PLXNC1: variants seen among roughly 807,000 people sequenced by gnomAD.
PLXNC1 encodes plexin-C1.
In PLXNC1, 75 loss-of-function variants were observed where a neutral mutation model predicts 178.2. The observed-to-expected ratio is 0.42, with a 90% confidence interval of 0.35 to 0.51. PLXNC1 has a LOEUF of 0.51. PLXNC1 is among the 20% of genes least tolerant of loss of function. The probability of loss-of-function intolerance (pLI) is 0.02; values close to 1 mark genes in which losing one functional copy is unlikely to be tolerated. For synonymous variants in PLXNC1, 790 were observed against 779.9 expected (o/e 1.01, Z -0.22); for missense variants, 1,503 against 1,984.4 (o/e 0.76, Z 4.61).
chr12:94,199,751 C>T (rs528573068), intron 4 of PLXNC1, among the ~76,000 whole-genome samples: 58 of 152,252 alleles, frequency 3.8e-4, no homozygotes, highest in African/African-American at 1.4e-3. Flanking sequence ...GGAAAGTGCT[C>T]GCCATGCTCA....
chr12:94,186,243 A>G (rs1962503466), intron 3 of PLXNC1, 130 bp from the exon 4 acceptor site: 8 of 641,818 alleles, frequency 1.2e-5, no homozygotes, highest in Non-Finnish European at 2.0e-5. Flanking sequence ...CCCACTGCCC[A>G]GTGCCAGTAT....
intron 20 of PLXNC1, among the ~76,000 whole-genome samples, chr12:94,264,858 G>A (rs971882105): frequency 1.3e-5 from 2 of 152,346 alleles, no homozygotes; most frequent in African/African-American, 2.4e-5. Flanking sequence ...ATGTGCACGC[G>A]TGCGCGTGTG....
chr12:94,262,517 C>T (rs113855827), intron 20 of PLXNC1: 29,691 of 985,428 alleles, frequency 0.03, 1,379 homozygotes, highest in African/African-American at 0.2. Context: ...TGGGTCAAGA[C>T]TTCACAGTGC....
At chr12:94,191,716 G>A (rs755969383) in intron 4 of PLXNC1, among the ~76,000 whole-genome samples, 7 of 151,240 alleles carry the variant, frequency 4.6e-5, no homozygotes, top group African/African-American at 7.3e-5. Context: ...CCCAGGAGAC[G>A]GAGGTTGCAG....
intron 24 of PLXNC1, 34 bp from the exon 25 acceptor site, chr12:94,297,155 G>C: frequency 6.2e-7 from 1 of 1,611,808 alleles, no homozygotes; most frequent in Non-Finnish European, 8.5e-7. Flanking sequence ...TTTTTTAATG[G>C]ACTGCTTTCT....
In PLXNC1 at chr12:94,248,378, C is replaced by CA; in HGVS notation, c.2746dup (p.Ser916LysfsTer8). ...TGCAAAATTAAAGGCATCAAGACTG[C>CA]AAGCACCATTGCCAACTCTTCTAAG... On this transcript the variant is annotated frameshift_variant, in exon 14 of 31. Transcript: ENST00000258526. LOFTEE classifies it high-confidence loss of function. 6.2e-7 allele frequency: 1 copy of CA among 1,610,834 alleles called. No homozygotes were observed. Among genetic ancestry groups the CA allele is most frequent in the Non-Finnish European group, 8.5e-7 (1 of 1,178,996 alleles).
chr12:94,245,323 G>A (rs533919153), intron 12 of PLXNC1, among the ~76,000 whole-genome samples: 2 of 152,162 alleles, frequency 1.3e-5, no homozygotes, highest in Non-Finnish European at 2.9e-5. Context: ...CTGGGTGCAG[G>A]GACAAAAGAT....
intron 21 of PLXNC1, chr12:94,277,154 G>C (rs897854811): frequency 6.6e-6 from 1 of 152,196 alleles, no homozygotes; most frequent in South Asian, 2.1e-4. Flanking sequence ...TTGGTGTCCT[G>C]TGAGAGCCCC....
At chr12:94,150,436 T>A (rs1045678596) in intron 1 of PLXNC1, among the ~76,000 whole-genome samples, 4 of 152,184 alleles carry the variant, frequency 2.6e-5, no homozygotes, top group African/African-American at 9.7e-5. Context: ...GGCGTGTGGG[T>A]CTGACCCTCT....
At chr12:94,201,748 CTTTTTTTTTTTTTTTTTTTTTT>C (rs10529488) in intron 4 of PLXNC1, among the ~76,000 whole-genome samples, 6 of 54,498 alleles carry the variant, frequency 1.1e-4, no homozygotes, top group African/African-American at 2.9e-4. Context: ...CTTCCCACTA[CTTTTTTTTTTTTTTTTTTTTTT>C]TTTTTTTTTT....
Position 94,307,289 on chromosome 12 carries a change from A to C in PLXNC1, c.*2004A>C, listed in dbSNP as rs1969139125. The C allele has an allele frequency of 6.6e-6, 1 of 152,166 alleles. No homozygotes were observed. The highest frequency in any genetic ancestry group is 1.5e-5 in the Non-Finnish European group (1 of 68,014). The allele number at this position is 152,166 out of a possible 1,614,324, so 9.4% of individuals were successfully genotyped here. On this transcript the variant is annotated 3_prime_UTR_variant, in exon 31 of 31. Transcript: ENST00000258526. ...CACTGAGGTGGTATGAAGATTCACT[A>C]ATGTATGTAGCGTGTTTGTCAATCC...
At chr12:94,156,704 C>CTTTTTTTTTTTTTTTTTTTT (rs1209546709) in intron 1 of PLXNC1, among the ~76,000 whole-genome samples, 1 of 129,932 alleles carries the variant, frequency 7.7e-6, no homozygotes, top group Non-Finnish European at 1.7e-5. Context: ...TGGAAACTTT[C>CTTTTTTTTTTTTTTTTTTTT]TTTCTTTTTT....
chr12:94,183,292 A>G (rs1011200575), intron 3 of PLXNC1, among the ~76,000 whole-genome samples: 1 of 152,234 alleles, frequency 6.6e-6, no homozygotes, highest in Non-Finnish European at 1.5e-5. Context: ...AAAGTCAGTT[A>G]TATCAAAATG....
chr12:94,303,376 G>A (rs1295782498), intron 28 of PLXNC1, among the ~76,000 whole-genome samples: 1 of 152,218 alleles, frequency 6.6e-6, no homozygotes, highest in Non-Finnish European at 1.5e-5. Context: ...TCACTGGTGG[G>A]TGAGGATGAG....
intron 12 of PLXNC1, among the ~76,000 whole-genome samples, chr12:94,247,111 T>C (rs188420715): frequency 7.5e-4 from 114 of 152,254 alleles, no homozygotes; most frequent in Non-Finnish European, 1.2e-3. Flanking sequence ...AGGGTCTCAC[T>C]GTGTTACCCA....
intron 4 of PLXNC1, among the ~76,000 whole-genome samples, chr12:94,208,766 T>C (rs528002949): frequency 6.6e-5 from 10 of 152,346 alleles, no homozygotes; most frequent in African/African-American, 2.4e-4. Context: ...GTATTTGTTC[T>C]TCTTGCCAGG....
At chr12:94,259,853 A>G in intron 19 of PLXNC1, 119 bp downstream of exon 19, 1 of 686,860 alleles carries the variant, frequency 1.5e-6, no homozygotes, top group Non-Finnish European at 2.2e-6. Flanking sequence ...ACTTGAGGCC[A>G]GGAGTTCAAG....
intron 2 of PLXNC1, among the ~76,000 whole-genome samples, chr12:94,177,191 ATATATATACGTATATATATATG>A (rs1962111023): frequency 1.8e-5 from 1 of 56,736 alleles, no homozygotes; most frequent in Non-Finnish European, 3.1e-5. Flanking sequence ...ATATATGTAT[ATATATATACGTATATATATATG>A]TGTGTGTATA....
chr12:94,245,686 G>A (rs1964510705), intron 12 of PLXNC1, among the ~76,000 whole-genome samples: 1 of 152,182 alleles, frequency 6.6e-6, no homozygotes, highest in Non-Finnish European at 1.5e-5. Context: ...ATGGAGTGGG[G>A]TGGGTGGAAG....
Sources: gnomAD v4.1 joint callset for allele counts (sites outside exome capture counted in the v4.1 genomes callset) on GRCh38, gnomAD v4.1.1 for gene constraint, MANE v1.5 for transcripts, NCBI Gene and HGNC (gene_info 2026-07-23, HGNC 2026-07-21) for gene names.